SOX5: variants seen among roughly 807,000 people sequenced by gnomAD.
SOX5 encodes the protein SRY-box transcription factor 5.
A neutral mutation model predicts 92.0 loss-of-function variants in SOX5; 9 were observed. The observed-to-expected ratio is 0.10, with a 90% CI of 0.06 to 0.17. The LOEUF is 0.17. Ranked by LOEUF, SOX5 falls within the 10% of genes least tolerant of loss-of-function variation. The pLI is 1.00. For missense variants in SOX5, 642 were observed against 944.5 expected (o/e 0.68, Z 4.20); for synonymous variants, 344 against 336.3 (o/e 1.02, Z -0.25).
intron 11 of SOX5, among the ~76,000 whole-genome samples, chr12:23,555,924 T>C (rs547276184): frequency 5.3e-5 from 8 of 152,152 alleles, no homozygotes; most frequent in Non-Finnish European, 1.2e-4. Context: ...CAGCCTATAC[T>C]CAATTTCTAA....
At chr12:24,059,639 A>G (rs1373686841) in intron 4 of SOX5, among the ~76,000 whole-genome samples, 1 of 152,110 alleles carries the variant, frequency 6.6e-6, no homozygotes, top group Admixed American at 6.5e-5. Context: ...GGAAGCCCAT[A>G]TCTGACCCCC....
intron 2 of SOX5, among the ~76,000 whole-genome samples, chr12:24,317,496 G>T (rs536903): frequency 1.3e-5 from 2 of 151,952 alleles, no homozygotes; most frequent in African/African-American, 4.8e-5. Context: ...TAAGATTTTC[G>T]TTTCTATTCC....
chr12:23,581,548 G>T (rs1950037483), intron 9 of SOX5, among the ~76,000 whole-genome samples: 1 of 151,866 alleles, frequency 6.6e-6, no homozygotes, highest in Non-Finnish European at 1.5e-5. Flanking sequence ...CAGTCTAAAG[G>T]CAACAGATAA....
At chr12:23,827,048 A>G (rs10842230) in intron 3 of SOX5, among the ~76,000 whole-genome samples, 26,019 of 152,178 alleles carry the variant, frequency 0.17, 2,817 homozygotes, top group East Asian at 0.52. Flanking sequence ...CTCTACGTTG[A>G]TATTATGTTA....
chr12:23,818,534 CACT>C (rs1382055659), intron 3 of SOX5, among the ~76,000 whole-genome samples: 1 of 152,070 alleles, frequency 6.6e-6, no homozygotes, highest in East Asian at 1.9e-4. Context: ...CAGGACTGTA[CACT>C]ACAATAGACT....
At chr12:23,998,667 T>C (rs754706395) in intron 4 of SOX5, among the ~76,000 whole-genome samples, 18 of 151,840 alleles carry the variant, frequency 1.2e-4, no homozygotes, top group Non-Finnish European at 2.2e-4. Context: ...CCGGGCATGG[T>C]GGCTGGGGCT....
intron 1 of SOX5, among the ~76,000 whole-genome samples, chr12:24,375,365 CAA>C (rs1957153640): frequency 6.6e-6 from 1 of 152,104 alleles, no homozygotes; most frequent in Non-Finnish European, 1.5e-5. Flanking sequence ...AACTAATAAA[CAA>C]AGAGGATTTG....
chr12:23,950,991 AC>A, upstream of SOX5: 2 of 777,290 alleles, frequency 2.6e-6, no homozygotes, highest in African/African-American at 3.4e-5. Flanking sequence ...ACACACACAC[AC>A]ACACACACAC....
At chr12:24,438,893 C>T (rs920786166) in intron 1 of SOX5, among the ~76,000 whole-genome samples, 6 of 152,208 alleles carry the variant, frequency 3.9e-5, no homozygotes, top group Non-Finnish European at 7.3e-5. Context: ...TTTAGAATAA[C>T]TTAGTTGATA....
intron 4 of SOX5, among the ~76,000 whole-genome samples, chr12:23,742,318 A>G (rs1380999675): frequency 1.3e-5 from 2 of 152,200 alleles, no homozygotes; most frequent in African/African-American, 2.4e-5. Context: ...TTCAGAAAAG[A>G]AAATGTGTGA....
intron 1 of SOX5, among the ~76,000 whole-genome samples, chr12:24,453,301 A>C (rs1332388037): frequency 1.3e-5 from 2 of 152,192 alleles, no homozygotes; most frequent in Non-Finnish European, 2.9e-5. Context: ...GAAATAATAA[A>C]AAAAAATCTG....
intron 3 of SOX5, among the ~76,000 whole-genome samples, chr12:23,774,967 A>C (rs1013607799): frequency 6.6e-6 from 1 of 152,228 alleles, no homozygotes; most frequent in Non-Finnish European, 1.5e-5. Flanking sequence ...TCAACTACTT[A>C]TCTCCTTTTG....
intron 6 of SOX5, among the ~76,000 whole-genome samples, chr12:23,672,857 C>T (rs1435744994): frequency 6.6e-6 from 1 of 152,090 alleles, no homozygotes; most frequent in East Asian, 1.9e-4. Context: ...TAATGCTATG[C>T]AGGTTTATCT....
chr12:23,941,422 C>T (rs552030662), intron 1 of SOX5, among the ~76,000 whole-genome samples: 1 of 151,538 alleles, frequency 6.6e-6, no homozygotes, highest in South Asian at 2.1e-4. Context: ...TCAAGTAATG[C>T]TAACATTTTT....
At chr12:23,838,707 G>C (rs2096467129) in intron 3 of SOX5, among the ~76,000 whole-genome samples, 2 of 151,976 alleles carry the variant, frequency 1.3e-5, no homozygotes, top group South Asian at 4.1e-4. Context: ...ACATTCTCAT[G>C]TTCAGGTACA....
At chr12:23,761,354 A>T (rs985247503) in intron 3 of SOX5, among the ~76,000 whole-genome samples, 5 of 152,126 alleles carry the variant, frequency 3.3e-5, no homozygotes, top group African/African-American at 1.2e-4. Flanking sequence ...CACTAAACAA[A>T]TTTATATTTC....
chr12:24,232,393 C>T (rs903042600), intron 3 of SOX5, among the ~76,000 whole-genome samples: 1 of 152,158 alleles, frequency 6.6e-6, no homozygotes, highest in Non-Finnish European at 1.5e-5. Flanking sequence ...CAGAGCCACA[C>T]TTATGGCTGT....
At chr12:23,597,270 C>T (rs1952630824) in intron 9 of SOX5, among the ~76,000 whole-genome samples, 1 of 152,136 alleles carries the variant, frequency 6.6e-6, no homozygotes, top group Non-Finnish European at 1.5e-5. Context: ...GCATATTTTG[C>T]TTTTTTCATT....
chr12:24,121,198 T>G (rs921734750), intron 4 of SOX5, among the ~76,000 whole-genome samples: 1 of 152,324 alleles, frequency 6.6e-6, no homozygotes, highest in African/African-American at 2.4e-5. Context: ...GGCTCCAGGT[T>G]ACAGAAATAT....
Sources: allele counts gnomAD v4.1 joint callset (sites outside exome capture counted in the v4.1 genomes callset), GRCh38; gene constraint gnomAD v4.1.1; transcripts MANE v1.5; gene names NCBI Gene and HGNC (gene_info 2026-07-23, HGNC 2026-07-21).